Variants in TES observed in about 807,000 individuals in gnomAD.
TES encodes the protein testin LIM domain protein, also known as testin.
A neutral mutation model predicts 48.2 loss-of-function variants in TES; 41 were observed. That is an observed-to-expected ratio of 0.85 (90% CI 0.66 to 1.10). TES has a LOEUF of 1.10. Ranked by LOEUF, TES falls within the 50% of genes least tolerant of loss-of-function variation. The probability of loss-of-function intolerance (pLI) is 0.00; values close to 1 mark genes in which losing one functional copy is unlikely to be tolerated. For synonymous variants in TES, 162 were observed against 174.9 expected, an observed-to-expected ratio of 0.93 and a Z score of 0.58; for missense variants, 463 against 515.1, an observed-to-expected ratio of 0.90 and a Z score of 0.98.
intron 2 of TES, among the ~76,000 whole-genome samples, chr7:116,235,833 A>G (rs1799763340): frequency 6.6e-6 from 1 of 152,246 alleles, no homozygotes; most frequent in Non-Finnish European, 1.5e-5. Flanking sequence ...TGTAAATTAA[A>G]GGAGAATATA....
At position 116,258,591 on chromosome 7, in the gene TES, A is replaced by C. The variant is rs1388465698; in HGVS notation, c.*1109A>C. On this transcript the variant is annotated 3_prime_UTR_variant, in exon 7 of 7. Transcript: ENST00000358204. ...TTTTGCATGGTTTTTATTCTTTCCT[A>C]ATGGATCCTGTTTTATAATACTTCC... 1 of 152,526 alleles carries C rather than the reference A, an allele frequency of 6.6e-6. No individual in the cohort carries two copies. The highest frequency in any genetic ancestry group is 2.4e-5 in the African/African-American group (1 of 41,414). 9.4% of individuals were successfully genotyped at this position (152,526 alleles called of 1,614,324 possible). A position where few individuals can be genotyped will look rare whatever the true frequency, so the allele number is the denominator to read the frequency against.
chr7:116,220,173 T>C (rs934890819), intron 1 of TES, among the ~76,000 whole-genome samples: 1 of 152,156 alleles, frequency 6.6e-6, no homozygotes, highest in African/African-American at 2.4e-5. Flanking sequence ...TTAGACTCTA[T>C]CTTTGGTAAT....
At chr7:116,217,372 T>C (rs1341550683) in intron 1 of TES, among the ~76,000 whole-genome samples, 4 of 152,146 alleles carry the variant, frequency 2.6e-5, no homozygotes, top group African/African-American at 9.7e-5. Flanking sequence ...ACCTATAATA[T>C]ACACAAACTA....
At chr7:116,254,779 T>A (rs1800073290) in intron 6 of TES, among the ~76,000 whole-genome samples, 1 of 151,594 alleles carries the variant, frequency 6.6e-6, no homozygotes, top group African/African-American at 2.4e-5. Context: ...TGTGTGTGTG[T>A]GTGTGTGTGT....
At chr7:116,243,867 A>C (rs1218626216) in intron 2 of TES, 1 of 152,218 alleles carries the variant, frequency 6.6e-6, no homozygotes, top group African/African-American at 2.4e-5. Context: ...GGAAGTCCTC[A>C]GGAAACTTAC....
chr7:116,219,137 T>A (rs1031632813), intron 1 of TES, among the ~76,000 whole-genome samples: 3 of 152,076 alleles, frequency 2.0e-5, no homozygotes, highest in Non-Finnish European at 4.4e-5. Flanking sequence ...AGGAAACACC[T>A]CCTATAGAAT....
At chr7:116,218,282 T>C (rs964446403) in intron 1 of TES, among the ~76,000 whole-genome samples, 1 of 145,318 alleles carries the variant, frequency 6.9e-6, no homozygotes, top group Non-Finnish European at 1.5e-5. Context: ...TTGCATAGCT[T>C]ATCTGAGCAG....
chr7:116,210,625 G>A lies in TES; in HGVS notation c.-83G>A. 1 of 1,269,222 alleles carries A rather than the reference G, an allele frequency of 7.9e-7. No homozygotes were observed. Among genetic ancestry groups the A allele is most frequent in the Non-Finnish European group, 1.0e-6 (1 of 992,542 alleles). The allele number at this position is 1,269,222 out of a possible 1,614,324, so 78.6% of individuals were successfully genotyped here. Reference sequence around the variant, plus strand: ...CGCGGGAGTTCCGCAGGTTTCCCGTGTTCGCAGCGGAGCCGGAGGCCAGCT... The same window carrying A: ...CGCGGGAGTTCCGCAGGTTTCCCGTATTCGCAGCGGAGCCGGAGGCCAGCT... On this transcript the variant is annotated 5_prime_UTR_variant, in exon 1 of 7. Transcript: ENST00000358204.
intron 6 of TES, among the ~76,000 whole-genome samples, chr7:116,256,281 C>G (rs1460380459): frequency 6.6e-6 from 1 of 151,158 alleles, no homozygotes; most frequent in Non-Finnish European, 1.5e-5. Flanking sequence ...GAGGCTCAAG[C>G]TGAATGACCT....
intron 1 of TES, among the ~76,000 whole-genome samples, chr7:116,234,323 T>C (rs1472040259): frequency 6.6e-6 from 1 of 152,178 alleles, no homozygotes; most frequent in Non-Finnish European, 1.5e-5. Context: ...TGCTTTTCTT[T>C]TCATGATAAA....
At chr7:116,226,500 G>A (rs1465691435) in intron 1 of TES, among the ~76,000 whole-genome samples, 2 of 152,204 alleles carry the variant, frequency 1.3e-5, no homozygotes, top group Non-Finnish European at 2.9e-5. Flanking sequence ...GGGGAGTGGT[G>A]TGAGGAAGGC....
chr7:116,223,283 G>C (rs1186600407), intron 1 of TES, among the ~76,000 whole-genome samples: 1 of 152,178 alleles, frequency 6.6e-6, no homozygotes, highest in Non-Finnish European at 1.5e-5. Flanking sequence ...ACTGCTAACT[G>C]TAAATACTAC....
Position 116,210,703 on chromosome 7 carries a change from T to C in TES, c.-5T>C, listed in dbSNP as rs912541958. On this transcript the variant is annotated 5_prime_UTR_variant, in exon 1 of 7. Coordinates refer to ENST00000358204, the MANE Select transcript of TES (RefSeq NM_015641.4). ...AGGAGGAGGGGACCCATAGGACGCG[T>C]TAACATGGACCTGGAAAACAAAGTG... 7.8e-7 allele frequency: 1 copy of C among 1,274,384 alleles called. No individual in the cohort carries two copies. The highest frequency in any genetic ancestry group is 1.5e-5 in the African/African-American group (1 of 64,546). The allele number at this position is 1,274,384 out of a possible 1,614,324, so 78.9% of individuals were successfully genotyped here. A position where few individuals can be genotyped will look rare whatever the true frequency, so the allele number is the denominator to read the frequency against.
intron 2 of TES, among the ~76,000 whole-genome samples, chr7:116,244,326 T>C (rs1482261077): frequency 6.6e-6 from 1 of 152,166 alleles, no homozygotes; most frequent in Non-Finnish European, 1.5e-5. Context: ...ACTTCCTAGA[T>C]ACAATGAGGG....
At chr7:116,251,548 TG>T in intron 4 of TES, 1 of 509,956 alleles carries the variant, frequency 2.0e-6, no homozygotes, top group South Asian at 2.1e-5. Context: ...CCGGGCGTGG[TG>T]GCAGGCGCCT....
chr7:116,252,504 C>T (rs1372505134), intron 6 of TES, 28 bp downstream of exon 6: 1 of 1,613,968 alleles, frequency 6.2e-7, no homozygotes, highest in African/African-American at 1.3e-5. Context: ...GATATGGTTG[C>T]CTCAGCCTGC....
intron 1 of TES, among the ~76,000 whole-genome samples, chr7:116,212,701 T>C (rs1428383811): frequency 1.3e-5 from 2 of 152,220 alleles, no homozygotes; most frequent in Non-Finnish European, 2.9e-5. Context: ...ATCCAGACGT[T>C]GTTTATAAAC....
chr7:116,248,690 T>C (rs1799960453), intron 2 of TES, among the ~76,000 whole-genome samples: 1 of 152,152 alleles, frequency 6.6e-6, no homozygotes, highest in African/African-American at 2.4e-5. Flanking sequence ...CCTTTGTCAG[T>C]TGCAGGATTT....
intron 1 of TES, among the ~76,000 whole-genome samples, chr7:116,224,186 C>T (rs1196165901): frequency 6.6e-6 from 1 of 152,144 alleles, no homozygotes. Flanking sequence ...TCCTTGCAGC[C>T]CAGCTGACCC....
Sources: allele counts gnomAD v4.1 joint callset (sites outside exome capture counted in the v4.1 genomes callset), GRCh38; gene constraint gnomAD v4.1.1; transcripts MANE v1.5; gene names NCBI Gene and HGNC (gene_info 2026-07-23, HGNC 2026-07-21).